The following C5orf63 variants were observed in gnomAD, a reference collection of about 807,000 sequenced individuals.
C5orf63 encodes chromosome 5 open reading frame 63, also known as glutaredoxin-like protein C5orf63.
C5orf63 carries 18 observed loss-of-function variants against 13.3 expected under a neutral mutation model. The ratio of observed to expected loss-of-function variants is 1.36; its 90% CI spans 0.94 to 2.01. The LOEUF (loss-of-function observed/expected upper bound fraction) is 2.01, where lower values mean the gene tolerates loss of function less well. C5orf63 is among the 30% of genes most tolerant of loss of function. The probability of loss-of-function intolerance (pLI) is 0.00; values close to 1 mark genes in which losing one functional copy is unlikely to be tolerated. For missense variants in C5orf63, 118 were observed against 127.7 expected (o/e 0.92, Z 0.36); for synonymous variants, 38 against 44.7 (o/e 0.85, Z 0.60).
chr5:127,047,372 G>T, downstream of C5orf63: 2 of 234,336 alleles, frequency 8.5e-6, no homozygotes, highest in Non-Finnish European at 1.6e-5. Context: ...AGTAATAGGT[G>T]ACATAACACT....
At chr5:127,053,036 T>G (rs1753743115) in intron 3 of C5orf63, among the ~76,000 whole-genome samples, 3 of 152,224 alleles carry the variant, frequency 2.0e-5, no homozygotes, top group African/African-American at 7.2e-5. Context: ...TTGGCCTGGC[T>G]GACACCACGA....
chr5:127,056,465 T>C (rs545835427), intron 3 of C5orf63: 1 of 153,122 alleles, frequency 6.5e-6, no homozygotes, highest in Non-Finnish European at 1.5e-5. Flanking sequence ...ACATCTTACA[T>C]GGATGGCAGC....
chr5:127,065,490 G>C (rs543739201), intron 2 of C5orf63, among the ~76,000 whole-genome samples: 1 of 152,240 alleles, frequency 6.6e-6, no homozygotes, highest in South Asian at 2.1e-4. Flanking sequence ...CCAAATTCAG[G>C]GTTAGACACA....
At chr5:127,066,243 A>G (rs1754327795) in intron 2 of C5orf63, among the ~76,000 whole-genome samples, 1 of 152,188 alleles carries the variant, frequency 6.6e-6, no homozygotes, top group African/African-American at 2.4e-5. Context: ...CTTGTGGGTT[A>G]TGTTAAAGAA....
downstream of C5orf63, chr5:127,044,716 C>T (rs12659607): frequency 0.02 from 3,090 of 151,976 alleles, 76 homozygotes; most frequent in South Asian, 0.12. Context: ...GAACTCTCCT[C>T]CCCACAATTC....
intron 3 of C5orf63, 200 bp downstream of exon 3, chr5:127,058,682 A>C: frequency 1.8e-6 from 1 of 545,436 alleles, no homozygotes; most frequent in Admixed American, 3.3e-5. Context: ...ATGACCATTA[A>C]ATACATCAAT....
downstream of C5orf63, chr5:127,047,383 G>T (rs151173874): frequency 4.2e-4 from 118 of 278,396 alleles, no homozygotes; most frequent in African/African-American, 2.4e-3. Context: ...ACATAACACT[G>T]ATACTTGACA....
chr5:127,072,509 C>T (rs1580538127), intron 1 of C5orf63, among the ~76,000 whole-genome samples: 1 of 152,124 alleles, frequency 6.6e-6, no homozygotes, highest in Non-Finnish European at 1.5e-5. Flanking sequence ...CTAGTGGCTG[C>T]TTAAACAAGA....
intron 2 of C5orf63, among the ~76,000 whole-genome samples, chr5:127,069,683 T>A (rs1754461256): frequency 6.6e-6 from 1 of 152,208 alleles, no homozygotes; most frequent in African/African-American, 2.4e-5. Flanking sequence ...CAGTCTTCAA[T>A]CTGAATGTTG....
At position 127,067,536 on chromosome 5, in the gene C5orf63, T is replaced by G. The variant is rs375425657; in HGVS notation, c.-8+4048A>C. ...ACCTAAGGATGTCACTAAGCCTAGG[T>G]AAGACTGACTAGCAAATACCTTGGC... On this transcript the variant is annotated intron_variant, in intron 2 of 4. Coordinates refer to ENST00000296662, the MANE Select transcript of C5orf63 (RefSeq NM_001164478.2). Among the ~76,000 whole-genome samples, 7 of 152,320 alleles carry G rather than the reference T, an allele frequency of 4.6e-5. No homozygotes were observed. The South Asian group carries it at 8.3e-4, about 18-fold the overall frequency.
intron 2 of C5orf63, among the ~76,000 whole-genome samples, chr5:127,062,085 T>G (rs1754131310): frequency 6.6e-6 from 1 of 152,230 alleles, no homozygotes; most frequent in African/African-American, 2.4e-5. Flanking sequence ...AAACTTCAAA[T>G]TCACAAAGGA....
intron 4 of C5orf63, 105 bp from the exon 5 acceptor site, chr5:127,052,052 T>A: frequency 1.0e-6 from 1 of 970,124 alleles, no homozygotes; most frequent in Non-Finnish European, 1.4e-6. Flanking sequence ...ATTTTCCTTA[T>A]AGTTGTTTGT....
At chr5:127,054,721 G>A (rs1753810481) in intron 3 of C5orf63, among the ~76,000 whole-genome samples, 1 of 152,170 alleles carries the variant, frequency 6.6e-6, no homozygotes, top group African/African-American at 2.4e-5. Context: ...CTTTTGCTGT[G>A]CAGAAGCTCT....
At chr5:127,049,501 A>G (rs918335395), downstream of C5orf63, among the ~76,000 whole-genome samples, 1 of 152,176 alleles carries the variant, frequency 6.6e-6, no homozygotes, top group African/African-American at 2.4e-5. Context: ...CCCACCTGGT[A>G]CCATTTGACA....
chr5:127,064,089 C>T (rs568573838), intron 2 of C5orf63, among the ~76,000 whole-genome samples: 1 of 152,278 alleles, frequency 6.6e-6, no homozygotes, highest in East Asian at 1.9e-4. Context: ...AAACCTCTCA[C>T]TCTCCCAAAC....
At chr5:127,058,837 T>C (rs1213644195) in intron 3 of C5orf63, 45 bp downstream of exon 3, 5 of 1,245,716 alleles carry the variant, frequency 4.0e-6, no homozygotes, top group South Asian at 3.9e-5. Context: ...TTTTCTTAAA[T>C]GTACAACTTT....
downstream of C5orf63, chr5:127,051,260 A>C: frequency 8.5e-7 from 1 of 1,170,066 alleles, no homozygotes; most frequent in Non-Finnish European, 1.1e-6. Context: ...CTCTAATTTT[A>C]AACAGGTATT....
chr5:127,051,563 T>C lies in C5orf63; in HGVS notation c.*208A>G. On this transcript the variant is annotated 3_prime_UTR_variant, in exon 5 of 5. Transcript: ENST00000296662. ...ATCTCCCTCCCTGCTAATATGCTCT[T>C]CTTATTTTATAAAATGCCATTAAGC... 8.0e-7 allele frequency: 1 copy of C among 1,248,756 alleles called. No individual in the cohort carries two copies. The highest frequency in any genetic ancestry group is 1.0e-6 in the Non-Finnish European group (1 of 997,398). 77.4% of individuals were successfully genotyped at this position (1,248,756 alleles called of 1,614,324 possible). A position where few individuals can be genotyped will look rare whatever the true frequency, so the allele number is the denominator to read the frequency against.
At chr5:127,063,909 C>T (rs1052736991) in intron 2 of C5orf63, among the ~76,000 whole-genome samples, 1 of 152,176 alleles carries the variant, frequency 6.6e-6, no homozygotes, top group African/African-American at 2.4e-5. Context: ...CACACACACA[C>T]CTCTTCTGGG....
Sources: allele counts gnomAD v4.1 joint callset (sites outside exome capture counted in the v4.1 genomes callset), GRCh38; gene constraint gnomAD v4.1.1; transcripts MANE v1.5; gene names NCBI Gene and HGNC (gene_info 2026-07-23, HGNC 2026-07-21).